The following TMEM38B variants were observed in gnomAD, a reference collection of about 807,000 sequenced individuals.
TMEM38B encodes transmembrane protein 38B, also known as trimeric intracellular cation channel type B.
Under a neutral mutation model 28.7 loss-of-function variants are expected in TMEM38B, and 24 were observed. The ratio of observed to expected loss-of-function variants is 0.84; its 90% CI spans 0.61 to 1.18. The LOEUF is 1.18. Among genes scored for constraint, TMEM38B ranks in the 50% most tolerant of loss-of-function variants. The pLI is 0.00. For missense variants in TMEM38B, 380 were observed against 350.9 expected, an observed-to-expected ratio of 1.08 and a Z score of -0.66; for synonymous variants, 131 against 127.7, an observed-to-expected ratio of 1.03 and a Z score of -0.17.
chr9:105,747,611 T>C (rs1837466652), intron 4 of TMEM38B, among the ~76,000 whole-genome samples: 1 of 152,206 alleles, frequency 6.6e-6, no homozygotes, highest in Non-Finnish European at 1.5e-5. Flanking sequence ...TTTCTTGCCT[T>C]CTGCTAGCTT....
Position 105,762,257 on chromosome 9 carries a change from T to A in TMEM38B, c.661-11608T>A, listed in dbSNP as rs537188579. 6.8e-3 allele frequency among the ~76,000 whole-genome samples: 1,031 copies of A among 152,080 alleles called. 15 individuals are homozygous for A. Among genetic ancestry groups the A allele is most frequent in the African/African-American group, 0.021 (880 of 41,530 alleles). The stretch of plus-strand genomic sequence containing the variant: ...AGAAACTGGCTATAAATTTTTTTTT[T>A]AAATTTATTATTATTATACTTTAAG... On this transcript the variant is annotated intron_variant, in intron 5 of 5. Coordinates refer to ENST00000374692, the MANE Select transcript of TMEM38B (RefSeq NM_018112.3).
At chr9:105,754,708 A>G (rs945565337) in intron 5 of TMEM38B, among the ~76,000 whole-genome samples, 4 of 152,166 alleles carry the variant, frequency 2.6e-5, no homozygotes, top group Non-Finnish European at 5.9e-5. Flanking sequence ...TATCACCTCA[A>G]CTGAAAGAAC....
At chr9:105,752,738 T>C (rs1485098123) in intron 5 of TMEM38B, among the ~76,000 whole-genome samples, 1 of 152,038 alleles carries the variant, frequency 6.6e-6, no homozygotes, top group African/African-American at 2.4e-5. Flanking sequence ...TGGTGAAAAC[T>C]CAAAAAGCCA....
chr9:105,717,493 C>T (rs994742084), intron 2 of TMEM38B, among the ~76,000 whole-genome samples: 1 of 152,212 alleles, frequency 6.6e-6, no homozygotes, highest in Middle Eastern at 3.4e-3. Flanking sequence ...TAAATTATGG[C>T]ATATTAATTC....
At chr9:105,753,639 C>T (rs1210208845) in intron 5 of TMEM38B, among the ~76,000 whole-genome samples, 1 of 152,082 alleles carries the variant, frequency 6.6e-6, no homozygotes, top group African/African-American at 2.4e-5. Context: ...GACCACCAGG[C>T]CTGCTTTGCA....
chr9:105,773,970 A>G lies in TMEM38B; in HGVS notation c.766A>G (p.Lys256Glu), dbSNP rs1318742868. ...GCAGCAGCCGTTTTCATCATGTGAGAAGAAAAGTGAAGCAAAGTCACCTTC... is the reference window on the plus strand; with the variant it reads ...GCAGCAGCCGTTTTCATCATGTGAGGAGAAAAGTGAAGCAAAGTCACCTTC... ...GWQQPFSSCE[K>E]KSEAKSPSNG... Residue 256 changes from lysine to glutamate, a missense_variant, in exon 6 of 6, where the codon AAG becomes GAG. By Grantham distance (56) the Lys-to-Glu change is moderately conservative (BLOSUM62 1). Transcript: ENST00000374692. The G allele has an allele frequency of 6.2e-7, 1 of 1,613,804 alleles. No individual in the cohort carries two copies. The highest frequency in any genetic ancestry group is 1.1e-5 in the South Asian group (1 of 91,076).
chr9:105,749,546 G>A (rs1837568575), intron 5 of TMEM38B, among the ~76,000 whole-genome samples: 1 of 152,186 alleles, frequency 6.6e-6, no homozygotes, highest in Non-Finnish European at 1.5e-5. Context: ...GGAGATATGA[G>A]TGATGTATGG....
At chr9:105,711,692 T>A (rs763463696) in intron 2 of TMEM38B, among the ~76,000 whole-genome samples, 11 of 151,808 alleles carry the variant, frequency 7.2e-5, no homozygotes, top group South Asian at 2.1e-4. Flanking sequence ...TCGTGACGCA[T>A]GCCTGTAGTC....
At chr9:105,733,889 G>A (rs888139673) in intron 4 of TMEM38B, among the ~76,000 whole-genome samples, 7 of 151,712 alleles carry the variant, frequency 4.6e-5, no homozygotes, top group African/African-American at 1.2e-4. Context: ...TGTCAATTTC[G>A]TTTAGATTTT....
chr9:105,741,108 G>A (rs1364492105), intron 4 of TMEM38B, among the ~76,000 whole-genome samples: 2 of 152,200 alleles, frequency 1.3e-5, no homozygotes, highest in Non-Finnish European at 2.9e-5. Context: ...ACACATCTGA[G>A]AGATTAGAAT....
intron 5 of TMEM38B, among the ~76,000 whole-genome samples, chr9:105,754,258 C>T (rs572435086): frequency 6.6e-6 from 1 of 152,216 alleles, no homozygotes; most frequent in South Asian, 2.1e-4. Flanking sequence ...ATATTCAGGA[C>T]CTGACCTCAG....
chr9:105,768,844 A>G (rs1292160370), intron 5 of TMEM38B, among the ~76,000 whole-genome samples: 1 of 152,118 alleles, frequency 6.6e-6, no homozygotes, highest in African/African-American at 2.4e-5. Flanking sequence ...ATTTGTTTCA[A>G]AGACCCAGCT....
chr9:105,759,412 A>T (rs10759135), intron 5 of TMEM38B: 3 of 1,549,972 alleles, frequency 1.9e-6, no homozygotes, highest in Non-Finnish European at 2.6e-6. Flanking sequence ...GAGACTACGG[A>T]TAAGCAATCC....
intron 5 of TMEM38B, among the ~76,000 whole-genome samples, chr9:105,773,578 T>C (rs955040969): frequency 6.6e-6 from 1 of 152,182 alleles, no homozygotes; most frequent in Admixed American, 6.5e-5. Context: ...GTGATGTTGA[T>C]ATTTTATCTT....
At chr9:105,769,123 T>C (rs1826465698) in intron 5 of TMEM38B, among the ~76,000 whole-genome samples, 1 of 151,996 alleles carries the variant, frequency 6.6e-6, no homozygotes, top group African/African-American at 2.4e-5. Context: ...CTCTTAAAAA[T>C]TAAGGGATAA....
chr9:105,731,773 G>T (rs766648388), intron 4 of TMEM38B, among the ~76,000 whole-genome samples: 27 of 152,276 alleles, frequency 1.8e-4, no homozygotes, highest in African/African-American at 6.3e-4. Context: ...ACATACGTGT[G>T]TATGTGTCTT....
At chr9:105,710,944 G>A (rs935389279) in intron 2 of TMEM38B, among the ~76,000 whole-genome samples, 8 of 152,070 alleles carry the variant, frequency 5.3e-5, no homozygotes, top group Admixed American at 2.0e-4. Flanking sequence ...CTACCTCTGC[G>A]CAAAGCTGGG....
At position 105,721,584 on chromosome 9, in the gene TMEM38B, C is replaced by T; in HGVS notation, c.317C>T (p.Ser106Leu). ...CPHDLVSQGY[S>L]YLPVQLLASG... ...CATGACCTAGTTTCCCAGGGCTATTCATATCTACCTGTTCAACTACTGGCT... is the reference window on the plus strand; with the variant it reads ...CATGACCTAGTTTCCCAGGGCTATTTATATCTACCTGTTCAACTACTGGCT... The change falls in exon 3 of 6, where the codon TCA becomes TTA. Residue 106 changes from serine (S) to leucine (L), a missense_variant. Physicochemically the swap from Ser to Leu is moderately radical, Grantham distance 145 (BLOSUM62 -2). Coordinates refer to ENST00000374692, the MANE Select transcript of TMEM38B (RefSeq NM_018112.3). 2 of 1,612,688 alleles carry T rather than the reference C, an allele frequency of 1.2e-6. No individual in the cohort carries two copies. Among genetic ancestry groups the T allele is most frequent in the Non-Finnish European group, 1.7e-6 (2 of 1,179,278 alleles).
intron 4 of TMEM38B, among the ~76,000 whole-genome samples, chr9:105,734,653 C>T (rs1836902475): frequency 6.6e-6 from 1 of 151,984 alleles, no homozygotes; most frequent in East Asian, 1.9e-4. Flanking sequence ...ATTATGTCTT[C>T]TTGATGAATT....
Sources: allele counts gnomAD v4.1 joint callset (sites outside exome capture counted in the v4.1 genomes callset), GRCh38; gene constraint gnomAD v4.1.1; transcripts MANE v1.5; gene names NCBI Gene and HGNC (gene_info 2026-07-23, HGNC 2026-07-21).